Variants in PLEKHA3 observed in about 807,000 individuals in gnomAD.
PLEKHA3 encodes pleckstrin homology domain containing A3.
A neutral mutation model predicts 39.2 loss-of-function variants in PLEKHA3; 19 were observed. The ratio of observed to expected loss-of-function variants is 0.48; its 90% CI spans 0.34 to 0.71. The LOEUF is 0.71. PLEKHA3 is among the 30% of genes least tolerant of loss of function. The pLI is 0.01. For missense variants in PLEKHA3, 253 were observed against 359.5 expected (o/e 0.70, Z 2.40); for synonymous variants, 97 against 118.6 (o/e 0.82, Z 1.18).
In PLEKHA3 at chr2:178,505,629, G is replaced by C. The variant is rs1042174689; in HGVS notation, c.*1742G>C. 3.3e-5 allele frequency: 5 copies of C among 150,688 alleles called. No homozygotes were observed. The highest frequency in any genetic ancestry group is 1.2e-4 in the African/African-American group (5 of 41,048). The allele number at this position is 150,688 out of a possible 1,614,324, so 9.3% of individuals were successfully genotyped here. A position where few individuals can be genotyped will look rare whatever the true frequency, so the allele number is the denominator to read the frequency against. ...AGACCATGAAGGTCAGGGTGCTATTGATTGGGAGTTTTTTCTGGTAGTGAG... is the reference window on the plus strand; with the variant it reads ...AGACCATGAAGGTCAGGGTGCTATTCATTGGGAGTTTTTTCTGGTAGTGAG... On this transcript the variant is annotated 3_prime_UTR_variant, in exon 8 of 8. Coordinates refer to ENST00000234453, the MANE Select transcript of PLEKHA3 (RefSeq NM_019091.4).
rs1239261422 is a variant in PLEKHA3, at chr2:178,503,744, A to G, written c.776-16A>G. The G allele has an allele frequency of 6.2e-7, 1 of 1,609,000 alleles. No homozygotes were observed. The highest frequency in any genetic ancestry group is 8.5e-7 in the Non-Finnish European group (1 of 1,176,400). On this transcript the variant is annotated splice_polypyrimidine_tract_variant and intron_variant, in intron 7 of 7. Coordinates refer to ENST00000234453, the MANE Select transcript of PLEKHA3 (RefSeq NM_019091.4). Reference sequence around the variant, plus strand: ...TATTGACAGGATGTTTAACGTTTTTATCAATGTCTTCATAGGACCTGTTCA... The same window carrying G: ...TATTGACAGGATGTTTAACGTTTTTGTCAATGTCTTCATAGGACCTGTTCA...
intron 2 of PLEKHA3, among the ~76,000 whole-genome samples, chr2:178,490,123 A>G (rs1245550923): frequency 6.6e-6 from 1 of 152,230 alleles, no homozygotes; most frequent in Non-Finnish European, 1.5e-5. Context: ...GAGAAGAGGT[A>G]GAAAGAGGGG....
At chr2:178,500,709 A>G (rs1384646387) in intron 6 of PLEKHA3, among the ~76,000 whole-genome samples, 2 of 152,048 alleles carry the variant, frequency 1.3e-5, no homozygotes, top group African/African-American at 2.4e-5. Flanking sequence ...TTGATCAGAT[A>G]TGGATTGACT....
At chr2:178,485,019 A>G (rs1053836742) in intron 1 of PLEKHA3, among the ~76,000 whole-genome samples, 2 of 152,246 alleles carry the variant, frequency 1.3e-5, no homozygotes, top group Non-Finnish European at 2.9e-5. Flanking sequence ...TGTAGCTTCT[A>G]TTTAAGAGAC....
intron 2 of PLEKHA3, among the ~76,000 whole-genome samples, chr2:178,490,098 G>GGT (rs904980517): frequency 2.0e-5 from 3 of 152,148 alleles, no homozygotes; most frequent in Non-Finnish European, 2.9e-5. Flanking sequence ...CATCAAAGGA[G>GGT]GTGTGTGTGT....
At chr2:178,482,996 G>A (rs140833115) in intron 1 of PLEKHA3, among the ~76,000 whole-genome samples, 268 of 152,256 alleles carry the variant, frequency 1.8e-3, no homozygotes, top group Middle Eastern at 3.4e-3. Context: ...GGTGGCTCAT[G>A]CCTGTAATCT....
chr2:178,496,742 TCTCA>T (rs1230449114), intron 5 of PLEKHA3, among the ~76,000 whole-genome samples: 2 of 152,060 alleles, frequency 1.3e-5, no homozygotes, highest in Non-Finnish European at 2.9e-5. Flanking sequence ...AGAGACAGGG[TCTCA>T]CTCTGTTACC....
intron 3 of PLEKHA3, among the ~76,000 whole-genome samples, chr2:178,491,094 T>A (rs1189580781): frequency 6.8e-6 from 1 of 147,568 alleles, no homozygotes; most frequent in African/African-American, 2.5e-5. Context: ...TACTGCAACC[T>A]CTGCCTCCTG....
chr2:178,498,333 A>G (rs1685478190), intron 5 of PLEKHA3, among the ~76,000 whole-genome samples: 1 of 152,224 alleles, frequency 6.6e-6, no homozygotes, highest in Non-Finnish European at 1.5e-5. Context: ...CATATCTCTT[A>G]GCATTTCAAC....
intron 3 of PLEKHA3, among the ~76,000 whole-genome samples, chr2:178,491,886 A>C (rs1200370011): frequency 6.6e-6 from 1 of 152,144 alleles, no homozygotes; most frequent in Non-Finnish European, 1.5e-5. Flanking sequence ...GTGCGGAAAG[A>C]GATCAAACCC....
chr2:178,494,795 G>C (rs1685414153), intron 4 of PLEKHA3, among the ~76,000 whole-genome samples: 1 of 152,088 alleles, frequency 6.6e-6, no homozygotes, highest in African/African-American at 2.4e-5. Context: ...AGCTCACAAA[G>C]AGGCAGGAGG....
chr2:178,486,372 A>G (rs956052900), intron 2 of PLEKHA3, among the ~76,000 whole-genome samples: 23 of 152,140 alleles, frequency 1.5e-4, no homozygotes, highest in Middle Eastern at 3.2e-3. Context: ...ATGGCAGTGA[A>G]AAGGACTGAA....
At chr2:178,493,637 A>G (rs1047510843) in intron 3 of PLEKHA3, among the ~76,000 whole-genome samples, 1 of 152,222 alleles carries the variant, frequency 6.6e-6, no homozygotes, top group Non-Finnish European at 1.5e-5. Flanking sequence ...ATCTCTGGAA[A>G]TCACCTAAAC....
chr2:178,480,659 C>G lies in PLEKHA3; in HGVS notation c.-211C>G, dbSNP rs1030781913. The stretch of plus-strand genomic sequence containing the variant: ...GAGGCTTACCCGGGAATGTCTGGGC[C>G]CGCGCCTCGCGGCCCCCAAGCTCCA... On this transcript the variant is annotated 5_prime_UTR_variant, in exon 1 of 8. Coordinates refer to ENST00000234453, the MANE Select transcript of PLEKHA3 (RefSeq NM_019091.4). The G allele has an allele frequency of 4.3e-5, 15 of 348,480 alleles. No homozygotes were observed. Among genetic ancestry groups the G allele is most frequent in the Middle Eastern group, 7.8e-4 (1 of 1,276 alleles). The allele number at this position is 348,480 out of a possible 1,614,324, so 21.6% of individuals were successfully genotyped here.
At chr2:178,492,372 A>G (rs973290560) in intron 3 of PLEKHA3, among the ~76,000 whole-genome samples, 18 of 151,644 alleles carry the variant, frequency 1.2e-4, no homozygotes, top group African/African-American at 4.4e-4. Flanking sequence ...AACAAAATAT[A>G]CAATAGAATA....
chr2:178,486,679 T>A (rs1166499558), intron 2 of PLEKHA3, among the ~76,000 whole-genome samples: 1 of 152,242 alleles, frequency 6.6e-6, no homozygotes, highest in Non-Finnish European at 1.5e-5. Flanking sequence ...GTAAAATTTA[T>A]CTATATTGTT....
chr2:178,492,027 C>T (rs1685356380), intron 3 of PLEKHA3, among the ~76,000 whole-genome samples: 1 of 152,194 alleles, frequency 6.6e-6, no homozygotes, highest in Non-Finnish European at 1.5e-5. Context: ...CACTGCCACA[C>T]TGGGGACCCA....
At chr2:178,491,136 G>A (rs910906550) in intron 3 of PLEKHA3, among the ~76,000 whole-genome samples, 1 of 150,602 alleles carries the variant, frequency 6.6e-6, no homozygotes, top group East Asian at 2.0e-4. Context: ...TCAGCTTCCC[G>A]AGTAGCTGGG....
intron 2 of PLEKHA3, chr2:178,489,147 T>C (rs1191831375): frequency 3.4e-6 from 1 of 298,342 alleles, no homozygotes; most frequent in East Asian, 9.7e-5. Context: ...GAAGAGTTAC[T>C]CTTATAGCTT....
Sources: allele counts gnomAD v4.1 joint callset (sites outside exome capture counted in the v4.1 genomes callset), GRCh38; gene constraint gnomAD v4.1.1; transcripts MANE v1.5; gene names NCBI Gene and HGNC (gene_info 2026-07-23, HGNC 2026-07-21).